APBA1: variants seen among roughly 807,000 people sequenced by gnomAD.
APBA1 encodes amyloid-beta A4 precursor protein-binding family A member 1.
A neutral mutation model predicts 86.6 loss-of-function variants in APBA1; 55 were observed. The ratio of observed to expected loss-of-function variants is 0.64; its 90% CI spans 0.51 to 0.80. The LOEUF (loss-of-function observed/expected upper bound fraction) is 0.80, where lower values mean the gene tolerates loss of function less well. APBA1 is among the 30% of genes least tolerant of loss of function. The pLI is 0.00. For missense variants in APBA1, 1,090 were observed against 1,183.0 expected, an observed-to-expected ratio of 0.92 and a Z score of 1.15; for synonymous variants, 511 against 493.9, an observed-to-expected ratio of 1.03 and a Z score of -0.46.
At chr9:69,449,828 A>T (rs770377211) in intron 9 of APBA1, 32 bp from the exon 10 acceptor site, 1 of 1,581,632 alleles carries the variant, frequency 6.3e-7, no homozygotes, top group Non-Finnish European at 8.7e-7. Flanking sequence ...GAAAACCTCC[A>T]TCAGTGACCA....
chr9:69,618,761 GA>G (rs1822757935), intron 1 of APBA1, among the ~76,000 whole-genome samples: 1 of 152,180 alleles, frequency 6.6e-6, no homozygotes, highest in African/African-American at 2.4e-5. Context: ...TTTGTCATAA[GA>G]AATTCTTAGC....
At chr9:69,562,654 C>T (rs1437773066) in intron 1 of APBA1, among the ~76,000 whole-genome samples, 9 of 152,060 alleles carry the variant, frequency 5.9e-5, no homozygotes, top group African/African-American at 1.4e-4. Context: ...GGATTACAGA[C>T]GTGAGCCACT....
At chr9:69,618,513 T>C (rs1225763549) in intron 1 of APBA1, among the ~76,000 whole-genome samples, 1 of 152,236 alleles carries the variant, frequency 6.6e-6, no homozygotes, top group African/African-American at 2.4e-5. Flanking sequence ...GATATGATAC[T>C]TTCCATGGAA....
At chr9:69,440,906 T>C in intron 11 of APBA1, 90 bp downstream of exon 11, 3 of 1,495,866 alleles carry the variant, frequency 2.0e-6, no homozygotes. Flanking sequence ...GAGCTGTTCC[T>C]ATTTAGCCAT....
At chr9:69,543,965 C>T (rs1248170373) in intron 1 of APBA1, among the ~76,000 whole-genome samples, 1 of 152,160 alleles carries the variant, frequency 6.6e-6, no homozygotes, top group Non-Finnish European at 1.5e-5. Context: ...TTGTAGGCCT[C>T]TCAAACTCAA....
intron 1 of APBA1, among the ~76,000 whole-genome samples, chr9:69,653,493 C>T (rs1823549356): frequency 1.3e-5 from 2 of 152,192 alleles, no homozygotes; most frequent in African/African-American, 4.8e-5. Flanking sequence ...TTCCATCCAA[C>T]AGCTACAGAA....
At position 69,452,424 on chromosome 9, in the gene APBA1, T is replaced by A. The variant is rs1270014361; in HGVS notation, c.1789-123A>T. On this transcript the variant is annotated intron_variant, in intron 8 of 12. Transcript: ENST00000265381. ...CTGAGGAAACCCTAGACATCACGCCTGCTGGGCCAGTGGTTCTACGTGGGG... is the reference window on the plus strand; with the variant it reads ...CTGAGGAAACCCTAGACATCACGCCAGCTGGGCCAGTGGTTCTACGTGGGG... 14 of 919,890 alleles carry A rather than the reference T, an allele frequency of 1.5e-5. No homozygotes were observed. In the East Asian group the frequency reaches 3.8e-4, roughly 25 times the overall value. 57.0% of individuals were successfully genotyped at this position (919,890 alleles called of 1,614,324 possible).
intron 1 of APBA1, among the ~76,000 whole-genome samples, chr9:69,530,804 T>C (rs1417040627): frequency 2.6e-5 from 4 of 152,118 alleles, no homozygotes; most frequent in South Asian, 2.1e-4. Context: ...CCACACCACT[T>C]ATCCTCCAAA....
intron 4 of APBA1, among the ~76,000 whole-genome samples, chr9:69,468,962 T>TA (rs778788204): frequency 6.6e-6 from 1 of 151,872 alleles, no homozygotes; most frequent in Non-Finnish European, 1.5e-5. Flanking sequence ...CCTCCCAGGT[T>TA]CAAGGGATCC....
intron 9 of APBA1, 73 bp from the exon 10 acceptor site, chr9:69,449,869 C>G: frequency 1.5e-6 from 2 of 1,366,226 alleles, no homozygotes; most frequent in Non-Finnish European, 2.0e-6. Flanking sequence ...AAGCCTCTCC[C>G]CCATTCCTGT....
At chr9:69,440,611 C>T (rs1018997476) in intron 11 of APBA1, among the ~76,000 whole-genome samples, 1 of 152,068 alleles carries the variant, frequency 6.6e-6, no homozygotes, top group Non-Finnish European at 1.5e-5. Context: ...CCTGGTGTGC[C>T]GTTTGTTATG....
At chr9:69,553,647 C>T (rs746763856) in intron 1 of APBA1, among the ~76,000 whole-genome samples, 21 of 152,164 alleles carry the variant, frequency 1.4e-4, no homozygotes, top group Admixed American at 6.5e-4. Flanking sequence ...ACTTCCAGCA[C>T]GGACACTGTT....
chr9:69,575,663 G>A (rs1256173189), intron 1 of APBA1, among the ~76,000 whole-genome samples: 1 of 152,104 alleles, frequency 6.6e-6, no homozygotes, highest in African/African-American at 2.4e-5. Flanking sequence ...TATGTAGAAA[G>A]CTGAAACTGG....
intron 1 of APBA1, among the ~76,000 whole-genome samples, chr9:69,618,866 C>T (rs776826036): frequency 2.8e-4 from 43 of 152,206 alleles, no homozygotes; most frequent in Admixed American, 5.9e-4. Flanking sequence ...TACATCGTAA[C>T]CCTGCCCCCT....
chr9:69,618,277 A>G (rs1386509043), intron 1 of APBA1, among the ~76,000 whole-genome samples: 1 of 152,208 alleles, frequency 6.6e-6, no homozygotes, highest in African/African-American at 2.4e-5. Flanking sequence ...GGCTCCCTAC[A>G]GAAGCCATGC....
intron 1 of APBA1, among the ~76,000 whole-genome samples, chr9:69,569,046 G>C (rs963551488): frequency 6.6e-6 from 1 of 152,204 alleles, no homozygotes; most frequent in African/African-American, 2.4e-5. Context: ...AAATGTGAAA[G>C]AATGAATATT....
chr9:69,432,816 T>C (rs1395158903), intron 11 of APBA1, 140 bp from the exon 12 acceptor site: 4 of 856,746 alleles, frequency 4.7e-6, no homozygotes, highest in East Asian at 3.3e-5. Context: ...TTTAACTCTC[T>C]TAGTGTCTTT....
intron 1 of APBA1, among the ~76,000 whole-genome samples, chr9:69,550,638 G>T (rs1311288201): frequency 6.6e-6 from 1 of 152,170 alleles, no homozygotes. Flanking sequence ...AATGAACAAG[G>T]TCTTTGCCCT....
intron 2 of APBA1, among the ~76,000 whole-genome samples, chr9:69,514,586 T>A (rs1836103235): frequency 1.4e-5 from 2 of 145,958 alleles, no homozygotes; most frequent in Non-Finnish European, 3.0e-5. Context: ...TGAAATTCTG[T>A]CTCAAAAAAC....
Sources: allele counts gnomAD v4.1 joint callset (sites outside exome capture counted in the v4.1 genomes callset), GRCh38; gene constraint gnomAD v4.1.1; transcripts MANE v1.5; gene names NCBI Gene and HGNC (gene_info 2026-07-23, HGNC 2026-07-21).